The following KHDRBS2 variants were observed in gnomAD, a reference collection of about 807,000 sequenced individuals.
The protein encoded by KHDRBS2 is KH RNA binding domain containing, signal transduction associated 2.
A neutral mutation model predicts 44.3 loss-of-function variants in KHDRBS2; 26 were observed. The observed-to-expected ratio is 0.59, with a 90% CI of 0.43 to 0.81. The LOEUF (loss-of-function observed/expected upper bound fraction) is 0.81, where lower values mean the gene tolerates loss of function less well. Among genes scored for constraint, KHDRBS2 ranks in the 40% least tolerant of loss-of-function variants. The pLI, the probability that KHDRBS2 is intolerant of heterozygous loss-of-function variation, is 0.00. For synonymous variants in KHDRBS2, 194 were observed against 151.1 expected, an observed-to-expected ratio of 1.28 and a Z score of -2.08; for missense variants, 476 against 433.1, an observed-to-expected ratio of 1.10 and a Z score of -0.88.
At chr6:61,667,563 C>T in the KHDRBS2 span, among the ~76,000 whole-genome samples, 35 of 151,360 alleles carry the variant, frequency 2.3e-4, no homozygotes, top group Middle Eastern at 3.4e-3. Flanking sequence ...AAGAGGGCTC[C>T]AATTTTTGCA....
the KHDRBS2 span, chr6:61,661,416 C>G: frequency 2.0e-5 from 3 of 151,850 alleles, no homozygotes; most frequent in Non-Finnish European, 2.9e-5. Context: ...ATTACACATA[C>G]AGGCATCTAT....
intron 3 of KHDRBS2, among the ~76,000 whole-genome samples, chr6:61,979,147 A>G (rs1290852695): frequency 1.3e-5 from 2 of 152,008 alleles, no homozygotes; most frequent in Non-Finnish European, 2.9e-5. Context: ...ACATATTCAC[A>G]TGTTTCAGAT....
At chr6:62,211,637 T>C (rs1007134300) in intron 1 of KHDRBS2, among the ~76,000 whole-genome samples, 3 of 152,154 alleles carry the variant, frequency 2.0e-5, no homozygotes, top group East Asian at 1.9e-4. Context: ...AGTTCAGGAA[T>C]ACATGTGCAG....
chr6:61,833,175 A>C (rs1309512126), intron 6 of KHDRBS2, among the ~76,000 whole-genome samples: 1 of 152,178 alleles, frequency 6.6e-6, no homozygotes, highest in Non-Finnish European at 1.5e-5. Context: ...TACCTTAGCT[A>C]TCTCAGTGTA....
At chr6:61,984,727 A>G (rs1460011985) in intron 3 of KHDRBS2, among the ~76,000 whole-genome samples, 1 of 152,226 alleles carries the variant, frequency 6.6e-6, no homozygotes, top group Non-Finnish European at 1.5e-5. Context: ...CAACTGCCAC[A>G]TGACTGTGTA....
At chr6:61,849,540 A>T (rs1795143815) in intron 6 of KHDRBS2, among the ~76,000 whole-genome samples, 4 of 152,242 alleles carry the variant, frequency 2.6e-5, no homozygotes, top group African/African-American at 9.6e-5. Context: ...AAAATAGGAA[A>T]TTTAACATTT....
At chr6:62,241,526 A>AT (rs147156896) in intron 1 of KHDRBS2, among the ~76,000 whole-genome samples, 1,796 of 150,324 alleles carry the variant, frequency 0.012, 33 homozygotes, top group African/African-American at 0.038. Flanking sequence ...GTTTTATGTG[A>AT]TTTTTTTTTT....
At chr6:62,152,419 T>G (rs777549505) in intron 2 of KHDRBS2, among the ~76,000 whole-genome samples, 13 of 152,238 alleles carry the variant, frequency 8.5e-5, no homozygotes, top group Non-Finnish European at 1.6e-4. Context: ...GTCTAACACT[T>G]AAGAATTCAC....
intron 3 of KHDRBS2, among the ~76,000 whole-genome samples, chr6:61,987,194 T>G (rs1775208543): frequency 6.6e-6 from 1 of 152,160 alleles, no homozygotes; most frequent in African/African-American, 2.4e-5. Flanking sequence ...TGTGGGTAGT[T>G]ATAACAGTAG....
chr6:62,277,472 G>A (rs927280070), intron 1 of KHDRBS2, among the ~76,000 whole-genome samples: 8 of 152,064 alleles, frequency 5.3e-5, no homozygotes, highest in African/African-American at 1.9e-4. Context: ...CTCCCGAGTA[G>A]CTGGGACTAC....
the KHDRBS2 span, among the ~76,000 whole-genome samples, chr6:61,619,645 G>T: frequency 4.6e-5 from 7 of 151,992 alleles, no homozygotes; most frequent in South Asian, 2.1e-4. Context: ...GTAGAGAAGG[G>T]GTTTCTCCAT....
At chr6:61,771,616 C>T (rs1184405583) in intron 6 of KHDRBS2, among the ~76,000 whole-genome samples, 2 of 152,180 alleles carry the variant, frequency 1.3e-5, no homozygotes, top group Non-Finnish European at 2.9e-5. Flanking sequence ...GTAAAGGGAT[C>T]AATTCCACAA....
chr6:61,958,288 A>G (rs1024822923), intron 4 of KHDRBS2, among the ~76,000 whole-genome samples: 4 of 152,118 alleles, frequency 2.6e-5, no homozygotes, highest in African/African-American at 4.8e-5. Flanking sequence ...CTGTTTCTGC[A>G]TATCCTGTAT....
intron 3 of KHDRBS2, among the ~76,000 whole-genome samples, chr6:61,986,403 A>G (rs1432103427): frequency 1.3e-5 from 2 of 152,216 alleles, no homozygotes; most frequent in Non-Finnish European, 2.9e-5. Context: ...AAAAGTTTCC[A>G]AATTAAATTT....
intron 2 of KHDRBS2, among the ~76,000 whole-genome samples, chr6:62,071,634 A>T (rs553633444): frequency 1.3e-5 from 2 of 152,282 alleles, no homozygotes; most frequent in South Asian, 4.1e-4. Flanking sequence ...CAGGTTTGTC[A>T]AAGATCAGAT....
chr6:61,717,888 C>T (rs1017967911), intron 7 of KHDRBS2, among the ~76,000 whole-genome samples: 4 of 151,998 alleles, frequency 2.6e-5, no homozygotes, highest in Admixed American at 2.6e-4. Flanking sequence ...AGGTACATAA[C>T]AGACGTCTGA....
the KHDRBS2 span, among the ~76,000 whole-genome samples, chr6:61,672,840 C>G: frequency 6.9e-6 from 1 of 145,044 alleles, no homozygotes. Flanking sequence ...TGCAGAAGCT[C>G]TTTAGTTTAA....
intron 6 of KHDRBS2, among the ~76,000 whole-genome samples, chr6:61,868,808 C>T (rs559367644): frequency 2.0e-5 from 3 of 152,302 alleles, no homozygotes; most frequent in South Asian, 4.1e-4. Flanking sequence ...CAGCCCCCTT[C>T]CAAGGGGTAT....
intron 6 of KHDRBS2, among the ~76,000 whole-genome samples, chr6:61,813,563 G>C (rs1237726218): frequency 2.0e-5 from 3 of 152,164 alleles, no homozygotes; most frequent in Non-Finnish European, 4.4e-5. Flanking sequence ...AGAAGAGTAT[G>C]CGTTTAGATA....
Sources: allele counts gnomAD v4.1 joint callset (sites outside exome capture counted in the v4.1 genomes callset), GRCh38; gene constraint gnomAD v4.1.1; transcripts MANE v1.5; gene names NCBI Gene and HGNC (gene_info 2026-07-23, HGNC 2026-07-21).